CUL1: variants seen among roughly 807,000 people sequenced by gnomAD.
The protein encoded by CUL1 is cullin 1.
In CUL1, 24 loss-of-function variants were observed where a neutral mutation model predicts 118.0. That is an observed-to-expected ratio of 0.20 (90% confidence interval 0.15 to 0.29). The LOEUF is 0.29. Among genes scored for constraint, CUL1 ranks in the 10% least tolerant of loss-of-function variants. The pLI is 1.00. For missense variants in CUL1, 361 were observed against 933.8 expected (o/e 0.39, Z 7.99); for synonymous variants, 332 against 340.4 (o/e 0.98, Z 0.27).
At chr7:148,704,641 C>T (rs1797827067) in intron 1 of CUL1, among the ~76,000 whole-genome samples, 1 of 151,978 alleles carries the variant, frequency 6.6e-6, no homozygotes, top group African/African-American at 2.4e-5. Context: ...ATTTAATGAA[C>T]ATTTAGTTAG....
chr7:148,786,677 C>A (rs1240778533), intron 12 of CUL1, 78 bp downstream of exon 12: 9 of 1,159,510 alleles, frequency 7.8e-6, no homozygotes, highest in Non-Finnish European at 1.1e-5. Context: ...TGTAGATGGC[C>A]TCTGAAATGT....
chr7:148,732,781 A>G (rs893629520), intron 2 of CUL1, among the ~76,000 whole-genome samples: 3 of 152,126 alleles, frequency 2.0e-5, no homozygotes, highest in Admixed American at 6.5e-5. Context: ...AATTCGTATA[A>G]TTTGTAGTTG....
chr7:148,791,255 G>C (rs1469643259), intron 16 of CUL1, among the ~76,000 whole-genome samples: 1 of 152,176 alleles, frequency 6.6e-6, no homozygotes, highest in African/African-American at 2.4e-5. Context: ...TTTAGTCTCT[G>C]AGAAGTTTTC....
chr7:148,797,689 CTTCTT>C, intron 17 of CUL1, 118 bp from the exon 18 acceptor site: 1 of 730,610 alleles, frequency 1.4e-6, no homozygotes, highest in Non-Finnish European at 2.2e-6. Context: ...CCAGCATACT[CTTCTT>C]TTGGGTGATT....
chr7:148,763,278 C>T (rs1373924813), intron 7 of CUL1, among the ~76,000 whole-genome samples: 2 of 152,338 alleles, frequency 1.3e-5, no homozygotes, highest in East Asian at 3.9e-4. Context: ...GTGCTTCCTA[C>T]ATCCTGGTTC....
intron 17 of CUL1, among the ~76,000 whole-genome samples, chr7:148,795,113 G>A (rs370779822): frequency 1.6e-4 from 24 of 152,066 alleles, no homozygotes; most frequent in African/African-American, 5.3e-4. Context: ...GATTATAGGC[G>A]TGAGCCACCG....
chr7:148,790,579 A>T, intron 16 of CUL1, 138 bp downstream of exon 16: 1 of 735,160 alleles, frequency 1.4e-6, no homozygotes. Flanking sequence ...TAAAGCATGG[A>T]GTTGTAAGAA....
intron 2 of CUL1, among the ~76,000 whole-genome samples, chr7:148,735,847 A>C (rs971291379): frequency 2.6e-5 from 4 of 152,200 alleles, no homozygotes; most frequent in African/African-American, 7.2e-5. Context: ...TGCAAATAGT[A>C]AGCATATGGA....
chr7:148,730,353 T>G, intron 2 of CUL1, 91 bp downstream of exon 2: 1 of 1,337,552 alleles, frequency 7.5e-7, no homozygotes, highest in Non-Finnish European at 1.0e-6. Context: ...TATTGTTTTC[T>G]CCTCCCAGTT....
Position 148,787,831 on chromosome 7 carries a change from CTGTG to C in CUL1, c.1479+715_1479+718del, listed in dbSNP as rs1252519863. 2.6e-5 allele frequency among the ~76,000 whole-genome samples: 4 copies of C among 152,222 alleles called. No homozygotes were observed. Among genetic ancestry groups the C allele is most frequent in the Non-Finnish European group, 5.9e-5 (4 of 68,042 alleles). On this transcript the variant is annotated intron_variant, in intron 13 of 21. Coordinates refer to ENST00000325222, the MANE Select transcript of CUL1 (RefSeq NM_003592.3). This position sits in a 1 kb window ranked among gnomAD's most constrained non-coding sequence, Gnocchi z 5.5. The stretch of plus-strand genomic sequence containing the variant: ...TTCCTCTGCCACCTCCTTTGCGTGC[CTGTG>C]TGTCGGCGCTGTCGAGTGCTCTTAT...
At chr7:148,799,480 A>G (rs921791828) in intron 21 of CUL1, 92 bp downstream of exon 21, 25 of 835,964 alleles carry the variant, frequency 3.0e-5, no homozygotes, top group Non-Finnish European at 4.6e-5. Context: ...AGCATGAAGG[A>G]GGAGGGAGCT....
rs779536681 is a variant in CUL1 at position 148,754,042 on chromosome 7, T to G, written c.207T>G (p.Pro69=). The G allele has an allele frequency of 6.2e-7, 1 of 1,613,930 alleles. No homozygotes were observed. ...AAGCACGAGGAGCTGGAGTTCCTCCTTCTAAGTCGAAAAAGGGGCAGACAC... is the reference window on the plus strand; with the variant it reads ...AAGCACGAGGAGCTGGAGTTCCTCCGTCTAAGTCGAAAAAGGGGCAGACAC... ...SNQARGAGVP[P]SKSKKGQTPG... is the part of the protein sequence containing the mutation. The change falls in exon 3 of 22, where the codon CCT becomes CCG. Residue 69 remains proline (P), a synonymous_variant. Transcript: ENST00000325222.
rs753652489 is a variant in CUL1 at position 148,787,153 on chromosome 7, T to C, written c.1479+33T>C. ...TCATCTTTTCCTGAAAAATCCCAGC[T>C]TCTGAGTCATTATTAAAACAGCTCT... On this transcript the variant is annotated intron_variant, in intron 13 of 21. Transcript: ENST00000325222. This position sits in a 1 kb window ranked among gnomAD's most constrained non-coding sequence, Gnocchi z 5.5. 7 of 1,609,368 alleles carry C rather than the reference T, an allele frequency of 4.3e-6. No individual in the cohort carries two copies. The Admixed American group carries it at 6.7e-5, about 15-fold the overall frequency.
chr7:148,766,420 A>T (rs1800009421), intron 7 of CUL1, 141 bp from the exon 8 acceptor site: 1 of 728,882 alleles, frequency 1.4e-6, no homozygotes, highest in Non-Finnish European at 2.1e-6. Flanking sequence ...GCCCTCCCTT[A>T]TTTTCTTAAT....
At chr7:148,791,073 C>G (rs535158572) in intron 16 of CUL1, among the ~76,000 whole-genome samples, 8 of 152,154 alleles carry the variant, frequency 5.3e-5, no homozygotes, top group Non-Finnish European at 7.3e-5. Context: ...GTAATCCTCA[C>G]GCTTTGGGAG....
In CUL1 at chr7:148,787,829, G is replaced by A. The variant is rs1467267423; in HGVS notation, c.1479+709G>A. Among the ~76,000 whole-genome samples, 1 of 152,200 alleles carries A rather than the reference G, an allele frequency of 6.6e-6. No individual in the cohort carries two copies. Among genetic ancestry groups the A allele is most frequent in the African/African-American group, 2.4e-5 (1 of 41,448 alleles). ...CCTTCCTCTGCCACCTCCTTTGCGT[G>A]CCTGTGTGTCGGCGCTGTCGAGTGC... On this transcript the variant is annotated intron_variant, in intron 13 of 21. Coordinates refer to ENST00000325222, the MANE Select transcript of CUL1 (RefSeq NM_003592.3). The surrounding 1 kb of genome is among the most constrained non-coding windows in gnomAD (Gnocchi z 5.5).
At chr7:148,728,041 TA>T (rs1798642847) in intron 1 of CUL1, among the ~76,000 whole-genome samples, 1 of 152,004 alleles carries the variant, frequency 6.6e-6, no homozygotes, top group African/African-American at 2.4e-5. Context: ...TTTAGACAAC[TA>T]AAATAGTCGC....
At chr7:148,708,324 A>G (rs1171964266) in intron 1 of CUL1, among the ~76,000 whole-genome samples, 1 of 152,124 alleles carries the variant, frequency 6.6e-6, no homozygotes, top group Admixed American at 6.5e-5. Flanking sequence ...CGACATCTCT[A>G]TTTCTAGCGT....
Position 148,792,780 on chromosome 7 carries a change from A to G in CUL1, c.1861A>G (p.Thr621Ala). 6.2e-7 allele frequency: 1 copy of G among 1,613,578 alleles called. No homozygotes were observed. The highest frequency in any genetic ancestry group is 1.1e-5 in the South Asian group (1 of 90,804). ...LLQYNTEDAY[T>A]VQQLTDSTQI... Reference sequence around the variant, plus strand: ...TCAGTACAACACGGAAGATGCCTACACTGTGCAGCAGCTGACCGACAGCAC... The same window carrying G: ...TCAGTACAACACGGAAGATGCCTACGCTGTGCAGCAGCTGACCGACAGCAC... Residue 621 changes from threonine to alanine, a missense_variant, in exon 17 of 22, where the codon ACT (threonine) becomes GCT (alanine). Transcript: ENST00000325222.
Sources: gnomAD v4.1 joint callset for allele counts (sites outside exome capture counted in the v4.1 genomes callset) on GRCh38, gnomAD v4.1.1 for gene constraint, Gnocchi (gnomAD v3.1) non-coding constraint, MANE v1.5 for transcripts, NCBI Gene and HGNC (gene_info 2026-07-23, HGNC 2026-07-21) for gene names.